GMPPA: variants seen among roughly 807,000 people sequenced by gnomAD.
The protein encoded by GMPPA is mannose-1-phosphate guanylyltransferase regulatory subunit alpha.
A neutral mutation model predicts 58.6 loss-of-function variants in GMPPA; 46 were observed. The ratio of observed to expected loss-of-function variants is 0.78; its 90% CI spans 0.62 to 1.00. The LOEUF is 1.00. GMPPA is among the 50% of genes least tolerant of loss of function. GMPPA has a pLI of 0.00. For missense variants in GMPPA, 468 were observed against 556.4 expected (o/e 0.84, Z 1.60); for synonymous variants, 211 against 214.9 (o/e 0.98, Z 0.16).
chr2:219,502,080 C>T lies in GMPPA; in HGVS notation c.429+43C>T, dbSNP rs758976144. The T allele has an allele frequency of 1.3e-6, 2 of 1,591,548 alleles. No homozygotes were observed. The highest frequency in any genetic ancestry group is 1.7e-6 in the Non-Finnish European group (2 of 1,163,314). Reference sequence around the variant, plus strand: ...GCTGGAGGGTGTAGAGGAGGTGATCCCAAGAGCTTCCCGGAATTCAGGGTG... The same window carrying T: ...GCTGGAGGGTGTAGAGGAGGTGATCTCAAGAGCTTCCCGGAATTCAGGGTG... On this transcript the variant is annotated intron_variant, in intron 5 of 12. Coordinates refer to ENST00000313597, the MANE Select transcript of GMPPA (RefSeq NM_013335.4). This position sits in a 1 kb window ranked among gnomAD's most constrained non-coding sequence, Gnocchi z 4.0.
chr2:219,499,949 T>C lies in GMPPA; in HGVS notation c.-20-7T>C. On this transcript the variant is annotated splice_polypyrimidine_tract_variant and splice_region_variant and intron_variant, in intron 1 of 12. Transcript: ENST00000313597. ...TCTGAGCTTGATTTCTCTGTTGGAA[T>C]TTGAAGTTTAGGTAGCAGTCACCAT... 1.2e-6 allele frequency: 2 copies of C among 1,611,020 alleles called. No homozygotes were observed. The highest frequency in any genetic ancestry group is 1.7e-6 in the Non-Finnish European group (2 of 1,177,200).
chr2:219,503,213 G>C (rs1431033724), intron 6 of GMPPA, among the ~76,000 whole-genome samples: 3 of 151,330 alleles, frequency 2.0e-5, no homozygotes, highest in African/African-American at 7.3e-5. Context: ...GCTCACTGCA[G>C]CCTCTGCCTC....
rs549632056 is a variant in GMPPA, at chr2:219,502,342, G to T, written c.430-40G>T. 10 of 1,581,768 alleles carry T rather than the reference G, an allele frequency of 6.3e-6. No individual in the cohort carries two copies. The South Asian group carries it at 1.0e-4, about 16-fold the overall frequency. On this transcript the variant is annotated intron_variant, in intron 5 of 12. Coordinates refer to ENST00000313597, the MANE Select transcript of GMPPA (RefSeq NM_013335.4). This position sits in a 1 kb window ranked among gnomAD's most constrained non-coding sequence, Gnocchi z 4.0. Reference sequence around the variant, plus strand: ...AGAAAAAACAGACGTGGCTGCCCTGGAGCAGGCGGGTCACTGTCTCGGGTG... The same window carrying T: ...AGAAAAAACAGACGTGGCTGCCCTGTAGCAGGCGGGTCACTGTCTCGGGTG...
At chr2:219,504,242 C>T (rs370510458) in intron 7 of GMPPA, 29 bp downstream of exon 7, 73 of 1,608,640 alleles carry the variant, frequency 4.5e-5, no homozygotes, top group Non-Finnish European at 5.2e-5. Context: ...CCCTGTGACC[C>T]CAAGTACCCC....
At position 219,504,738 on chromosome 2, in the gene GMPPA, C is replaced by T. The variant is rs531527786; in HGVS notation, c.621-490C>T. On this transcript the variant is annotated intron_variant, in intron 7 of 12. Transcript: ENST00000313597. ...CTCATAGCCATTTCTCACTCCCACC[C>T]GTGTCTCTGCTTCCCTCTCCATCTC... The T allele has an allele frequency of 3.1e-5, 12 of 389,006 alleles. No individual in the cohort carries two copies. In the South Asian group the frequency reaches 4.7e-4, roughly 15 times the overall value. 24.1% of individuals were successfully genotyped at this position (389,006 alleles called of 1,614,324 possible).
In GMPPA at chr2:219,506,129, C is replaced by A. The variant is rs889780954; in HGVS notation, c.993+57C>A. 50 of 1,449,458 alleles carry A rather than the reference C, an allele frequency of 3.4e-5. No homozygotes were observed. The Admixed American group carries it at 8.9e-4, about 26-fold the overall frequency. The allele number at this position is 1,449,458 out of a possible 1,614,324, so 89.8% of individuals were successfully genotyped here. ...ACCCCAAGAGGCTGCGGGGAGGGCC[C>A]AGGCATCCCCCCAAGAACAGAGAAG... is the stretch of plus-strand genomic sequence containing the variant. On this transcript the variant is annotated intron_variant, in intron 11 of 12. Transcript: ENST00000313597.
At chr2:219,504,575 C>G in intron 7 of GMPPA, 1 of 276,034 alleles carries the variant, frequency 3.6e-6, no homozygotes, top group South Asian at 5.3e-5. Context: ...TGCATACTCT[C>G]AGGCTGAGGC....
intron 7 of GMPPA, 22 bp from the exon 8 acceptor site, chr2:219,505,206 C>T: frequency 6.2e-7 from 1 of 1,610,956 alleles, no homozygotes; most frequent in Non-Finnish European, 8.5e-7. Flanking sequence ...GGACTAATGT[C>T]AGCATTCTTC....
Position 219,502,910 on chromosome 2 carries a change from C to T in GMPPA, c.489+469C>T, listed in dbSNP as rs2125632819. On this transcript the variant is annotated intron_variant, in intron 6 of 12. Transcript: ENST00000313597. This position sits in a 1 kb window ranked among gnomAD's most constrained non-coding sequence, Gnocchi z 4.0. Reference sequence around the variant, plus strand: ...CTGTCCTGTTTTGTGAAACTCCCTTCTCCTAAGCCCCTTGACTTTCACATA... The same window carrying T: ...CTGTCCTGTTTTGTGAAACTCCCTTTTCCTAAGCCCCTTGACTTTCACATA... Among the ~76,000 whole-genome samples the T allele has an allele frequency of 6.6e-6, 1 of 152,306 alleles. No homozygotes were observed. The highest frequency in any genetic ancestry group is 2.4e-5 in the African/African-American group (1 of 41,564).
rs1479111523 is a variant in GMPPA at position 219,506,872 on chromosome 2, C to T, written c.*74C>T. 1.2e-5 allele frequency: 9 copies of T among 758,800 alleles called. No individual in the cohort carries two copies. In the Middle Eastern group the frequency reaches 6.8e-4, roughly 58 times the overall value. 47.0% of individuals were successfully genotyped at this position (758,800 alleles called of 1,614,324 possible). ...GCTGCCTGCTTGGCCAGCCTCTGTC[C>T]AGAAAGGACCAGAGAAAGCCAGGCT... is the stretch of plus-strand genomic sequence containing the variant. On this transcript the variant is annotated 3_prime_UTR_variant, in exon 13 of 13. Coordinates refer to ENST00000313597, the MANE Select transcript of GMPPA (RefSeq NM_013335.4).
In GMPPA at chr2:219,506,734, T is replaced by A. The variant is rs765367771; in HGVS notation, c.1199T>A (p.Leu400Gln). Residue 400 changes from leucine (L) to glutamine (Q), a missense_variant, in exon 13 of 13, where the codon CTG becomes CAG. By Grantham distance (113) the Leu-to-Gln change is moderately radical (BLOSUM62 -2). Transcript: ENST00000313597. ...CGGATCCCTGCCGAGGTGCTCATCC[T>A]GAACTCGATTGTTCTGCCACACAAG... ...RVRIPAEVLI[L>Q]NSIVLPHKEL... 8.7e-6 allele frequency: 14 copies of A among 1,607,488 alleles called. No homozygotes were observed. The South Asian group carries it at 1.5e-4, about 18-fold the overall frequency.
At position 219,506,376 on chromosome 2, in the gene GMPPA, G is replaced by A. The variant is rs763929733; in HGVS notation, c.1116G>A (p.Glu372=). 6.2e-7 allele frequency: 1 copy of A among 1,613,686 alleles called. No individual in the cohort carries two copies. The highest frequency in any genetic ancestry group is 2.2e-5 in the East Asian group (1 of 44,882). The part of the protein sequence containing the change: ...PNDPRARMDS[E]SLFKDGKLLP... ...ATCCCCGAGCCCGCATGGACAGTGA[G>A]AGCCTCTTCAAGGACGGGAAGCTGC... is the stretch of plus-strand genomic sequence containing the variant. Residue 372 remains glutamate, a synonymous_variant, in exon 12 of 13, where the codon GAG becomes GAA. Coordinates refer to ENST00000313597, the MANE Select transcript of GMPPA (RefSeq NM_013335.4).
chr2:219,504,051 C>A, intron 6 of GMPPA, 32 bp from the exon 7 acceptor site: 1 of 1,613,404 alleles, frequency 6.2e-7, no homozygotes, highest in Non-Finnish European at 8.5e-7. Flanking sequence ...GTAGTCCCTT[C>A]TTCTACTGAA....
chr2:219,504,148 CTT>C lies in GMPPA; in HGVS notation c.558_559del (p.Pro188Ter). 1 of 1,614,024 alleles carries C rather than the reference CTT, an allele frequency of 6.2e-7. No individual in the cohort carries two copies. Among genetic ancestry groups the C allele is most frequent in the Non-Finnish European group, 8.5e-7 (1 of 1,179,880 alleles). On this transcript the variant is annotated frameshift_variant, in exon 7 of 13. Transcript: ENST00000313597. LOFTEE classifies it high-confidence loss of function. ...ACATCATCAACTGCGGCATCTACCT[CTT>C]TTCTCCTGAAGCCTTGAAGCCTCTT... ...SDIINCGIYL[F>X]SPEALKPLRD...
At chr2:219,500,393 C>G (rs1017944270) in intron 3 of GMPPA, 175 bp downstream of exon 3, 2 of 606,988 alleles carry the variant, frequency 3.3e-6, no homozygotes, top group Admixed American at 5.6e-5. Flanking sequence ...TGCTGTCTTC[C>G]CCTAATCTAG....
In GMPPA at chr2:219,502,182, G is replaced by T; in HGVS notation, c.429+145G>T. 2.1e-6 allele frequency: 2 copies of T among 932,450 alleles called. No homozygotes were observed. Among genetic ancestry groups the T allele is most frequent in the Non-Finnish European group, 3.3e-6 (2 of 599,644 alleles). 57.8% of individuals were successfully genotyped at this position (932,450 alleles called of 1,614,324 possible). A position where few individuals can be genotyped will look rare whatever the true frequency, so the allele number is the denominator to read the frequency against. On this transcript the variant is annotated intron_variant, in intron 5 of 12. Coordinates refer to ENST00000313597, the MANE Select transcript of GMPPA (RefSeq NM_013335.4). The surrounding 1 kb of genome is among the most constrained non-coding windows in gnomAD (Gnocchi z 4.0). ...GGAGATGCGCTGCTCTGGCAGCATG[G>T]AGGTGTTAGTGGAGACCCCGAGCCC...
chr2:219,505,217 C>T lies in GMPPA; in HGVS notation c.621-11C>T, dbSNP rs1209797894. On this transcript the variant is annotated splice_polypyrimidine_tract_variant and intron_variant, in intron 7 of 12. Coordinates refer to ENST00000313597, the MANE Select transcript of GMPPA (RefSeq NM_013335.4). The stretch of plus-strand genomic sequence containing the variant: ...TGGGGGACTAATGTCAGCATTCTTC[C>T]TCTCTGCCAGGGAGGACTCACCAGG... The T allele has an allele frequency of 1.9e-6, 3 of 1,612,226 alleles. No homozygotes were observed. The highest frequency in any genetic ancestry group is 1.7e-6 in the Non-Finnish European group (2 of 1,178,460).
At position 219,506,144 on chromosome 2, in the gene GMPPA, G is replaced by A. The variant is rs1025784586; in HGVS notation, c.993+72G>A. The A allele has an allele frequency of 6.1e-6, 9 of 1,465,268 alleles. No homozygotes were observed. The African/African-American group carries it at 1.3e-4, about 20-fold the overall frequency. 90.8% of individuals were successfully genotyped at this position (1,465,268 alleles called of 1,614,324 possible). On this transcript the variant is annotated intron_variant, in intron 11 of 12. Coordinates refer to ENST00000313597, the MANE Select transcript of GMPPA (RefSeq NM_013335.4). ...GGGGAGGGCCCAGGCATCCCCCCAA[G>A]AACAGAGAAGGGTGAACGCCGTGGG...
At chr2:219,501,687 A>T (rs1294302641) in intron 4 of GMPPA, 108 bp downstream of exon 4, 1 of 928,180 alleles carries the variant, frequency 1.1e-6, no homozygotes, top group Non-Finnish European at 1.8e-6. Flanking sequence ...CGCCTACTAG[A>T]AGGATTCTTG....
Sources: allele counts gnomAD v4.1 joint callset (sites outside exome capture counted in the v4.1 genomes callset), GRCh38; gene constraint gnomAD v4.1.1; non-coding constraint Gnocchi (gnomAD v3.1); transcripts MANE v1.5; gene names NCBI Gene and HGNC (gene_info 2026-07-23, HGNC 2026-07-21).